The following ZNF200 variants were observed in gnomAD, a reference collection of about 807,000 sequenced individuals.
The protein encoded by ZNF200 is zinc finger protein 200.
In ZNF200, 35 loss-of-function variants were observed where a neutral mutation model predicts 33.6. That is an observed-to-expected ratio of 1.04 (90% CI 0.80 to 1.38). The LOEUF is 1.38. ZNF200 is among the 40% of genes most tolerant of loss of function. The pLI, the probability that ZNF200 is intolerant of heterozygous loss-of-function variation, is 0.00. For synonymous variants in ZNF200, 209 were observed against 167.7 expected (o/e 1.25, Z -1.90); for missense variants, 592 against 470.6 (o/e 1.26, Z -2.39).
chr16:3,228,464 G>C (rs1390952208), intron 4 of ZNF200, among the ~76,000 whole-genome samples: 1 of 150,350 alleles, frequency 6.7e-6, no homozygotes, highest in Non-Finnish European at 1.5e-5. Context: ...TTATATATAA[G>C]AAATATTAAT....
chr16:3,232,727 G>A (rs1958669893), intron 3 of ZNF200, 106 bp downstream of exon 3: 11 of 1,442,322 alleles, frequency 7.6e-6, no homozygotes, highest in Middle Eastern at 1.8e-4. Context: ...AAAAGCAGAA[G>A]AAAAACACCC....
Position 3,223,693 on chromosome 16 carries a change from G to A in ZNF200, c.*199C>T. 2 of 750,302 alleles carry A rather than the reference G, an allele frequency of 2.7e-6. No homozygotes were observed. Among genetic ancestry groups the A allele is most frequent in the Non-Finnish European group, 4.1e-6 (2 of 485,936 alleles). The allele number at this position is 750,302 out of a possible 1,614,324, so 46.5% of individuals were successfully genotyped here. A position where few individuals can be genotyped will look rare whatever the true frequency, so the allele number is the denominator to read the frequency against. ...TAGTCCAAAAAGCCTAGATGCTGAG[G>A]TATAGCCCTTGAAATGTTTTCTTCC... On this transcript the variant is annotated 3_prime_UTR_variant, in exon 5 of 5. Transcript: ENST00000414144.
In ZNF200 at chr16:3,224,297, A is replaced by C. The variant is rs139877194; in HGVS notation, c.783T>G (p.Phe261Leu). The C allele has an allele frequency of 6.2e-7, 1 of 1,614,174 alleles. No homozygotes were observed. The highest frequency in any genetic ancestry group is 8.5e-7 in the Non-Finnish European group (1 of 1,180,026). Residue 261 changes from phenylalanine (F) to leucine (L), a missense_variant, in exon 5 of 5, where the codon TTT (phenylalanine) becomes TTG (leucine). Phe to Leu is a conservative substitution (Grantham distance 22). Transcript: ENST00000414144. ...GGGAAATGAGGTAAGAACTTTCATT[A>C]AACTGTTTCCCACACAGTGGACAAG... ...WYTCPLCGKQFNESSYLISHQ... is the reference protein window; with the variant it reads ...WYTCPLCGKQLNESSYLISHQ...
chr16:3,224,474 C>A lies in ZNF200; in HGVS notation c.606G>T (p.Lys202Asn). 6.2e-7 allele frequency: 1 copy of A among 1,614,150 alleles called. No individual in the cohort carries two copies. ...VSQQPPDNQE[K>N]ERLNTSIPQK... Reference sequence around the variant, plus strand: ...GTGGAATGGATGTATTTAGTCGTTCCTTTTCCTGGTTATCGGGAGGCTGCT... The same window carrying A: ...GTGGAATGGATGTATTTAGTCGTTCATTTTCCTGGTTATCGGGAGGCTGCT... The change falls in exon 5 of 5, where the codon AAG (lysine) becomes AAT (asparagine). Residue 202 changes from lysine to asparagine, a missense_variant. Physicochemically the swap from Lys to Asn is moderately conservative, Grantham distance 94. Coordinates refer to ENST00000414144, the MANE Select transcript of ZNF200 (RefSeq NM_198088.3).
At chr16:3,230,938 T>G (rs1016135406) in intron 4 of ZNF200, among the ~76,000 whole-genome samples, 1 of 152,248 alleles carries the variant, frequency 6.6e-6, no homozygotes, top group African/African-American at 2.4e-5. Flanking sequence ...TGCTTATCGT[T>G]TGATGAATGA....
chr16:3,224,401 G>T lies in ZNF200; in HGVS notation c.679C>A (p.Pro227Thr), dbSNP rs1302430078. 1 of 1,614,178 alleles carries T rather than the reference G, an allele frequency of 6.2e-7. No individual in the cohort carries two copies. Among genetic ancestry groups the T allele is most frequent in the Non-Finnish European group, 8.5e-7 (1 of 1,180,036 alleles). Residue 227 changes from proline to threonine, a missense_variant, in exon 5 of 5, where the codon CCT becomes ACT. Pro to Thr is a conservative substitution (Grantham distance 38, BLOSUM62 -1). Coordinates refer to ENST00000414144, the MANE Select transcript of ZNF200 (RefSeq NM_198088.3). ...NLLVTIENDT[P>T]LEELSKYVDI... ...ACATATTTTGAGAGTTCCTCTAGAG[G>T]AGTATCATTCTCAATGGTAACTAAC... is the stretch of plus-strand genomic sequence containing the variant.
In ZNF200 at chr16:3,232,829, C is replaced by G; in HGVS notation, c.339+4G>C. The G allele has an allele frequency of 6.2e-7, 1 of 1,613,660 alleles. No individual in the cohort carries two copies. Among genetic ancestry groups the G allele is most frequent in the Non-Finnish European group, 8.5e-7 (1 of 1,179,718 alleles). ...CAGGCAGTAAATGGGAAAACCAAAC[C>G]CACCTCAGGGTTAGCTTTCAAATAC... On this transcript the variant is annotated splice_donor_region_variant and intron_variant, in intron 3 of 4. Coordinates refer to ENST00000414144, the MANE Select transcript of ZNF200 (RefSeq NM_198088.3).
chr16:3,233,427 T>G, intron 2 of ZNF200, 79 bp downstream of exon 2: 1 of 1,471,836 alleles, frequency 6.8e-7, no homozygotes, highest in Non-Finnish European at 9.0e-7. Flanking sequence ...TAACTTGAAT[T>G]TATAACTAAC....
rs1391079622 is a variant in ZNF200, at chr16:3,223,987, C to T, written c.1093G>A (p.Gly365Ser). ...AATCTTCTCCCACATTTTTTGCAAC[C>T]ATATGGTCTCTCAGCCTCATGACTC... ...LQSHEAERPYGCKKCGRRFGR... is the reference protein window; with the variant it reads ...LQSHEAERPYSCKKCGRRFGR... Residue 365 changes from glycine to serine, a missense_variant, in exon 5 of 5, where the codon GGT becomes AGT. Gly to Ser is a moderately conservative substitution (Grantham distance 56). Transcript: ENST00000414144. The T allele has an allele frequency of 2.5e-6, 4 of 1,613,978 alleles. No homozygotes were observed. The highest frequency in any genetic ancestry group is 3.4e-6 in the Non-Finnish European group (4 of 1,180,020).
At chr16:3,230,644 C>A (rs1958610498) in intron 4 of ZNF200, among the ~76,000 whole-genome samples, 1 of 152,198 alleles carries the variant, frequency 6.6e-6, no homozygotes, top group Non-Finnish European at 1.5e-5. Flanking sequence ...TTGATTCCTG[C>A]CACCACAATG....
chr16:3,232,899 C>T lies in ZNF200; in HGVS notation c.273G>A (p.Lys91=), dbSNP rs375713290. 4 of 1,613,814 alleles carry T rather than the reference C, an allele frequency of 2.5e-6. No homozygotes were observed. Among genetic ancestry groups the T allele is most frequent in the South Asian group, 2.2e-5 (2 of 91,078 alleles). The stretch of plus-strand genomic sequence containing the variant: ...CCTTTTGGACTCCTTTGGGCAGAAG[C>T]TTCACCAAGGGACGAGGATGCACTG... ...QNRVHPRPLV[K]LLPKGVQKEQ... The change falls in exon 3 of 5, where the codon AAG becomes AAA. Residue 91 remains lysine, a synonymous_variant. Transcript: ENST00000414144.
Position 3,224,607 on chromosome 16 carries a change from T to C in ZNF200, c.473A>G (p.Asn158Ser), listed in dbSNP as rs1472534683. The C allele has an allele frequency of 2.5e-6, 4 of 1,587,972 alleles. No homozygotes were observed. In the East Asian group the frequency reaches 9.0e-5, roughly 36 times the overall value. Residue 158 changes from asparagine to serine, a missense_variant, in exon 5 of 5, where the codon AAT becomes AGT. Asn to Ser is a conservative substitution (Grantham distance 46). Transcript: ENST00000414144. ...SVGEMMLLAV[N>S]GSNPEGEDPE... ...ATCTTCACCTTCAGGATTACTGCCA[T>C]TGACTGCTGAAACAAAGAGAGAATT...
At chr16:3,230,547 A>C (rs1262626484) in intron 4 of ZNF200, among the ~76,000 whole-genome samples, 1 of 152,204 alleles carries the variant, frequency 6.6e-6, no homozygotes, top group Non-Finnish European at 1.5e-5. Flanking sequence ...AATCTGTTTA[A>C]GTGTTCTACG....
At chr16:3,232,395 AAC>A in intron 4 of ZNF200, 24 bp downstream of exon 4, 3 of 1,609,890 alleles carry the variant, frequency 1.9e-6, no homozygotes, top group Non-Finnish European at 2.5e-6. Context: ...AAACAACCTG[AAC>A]ACACAAAGGC....
chr16:3,232,626 A>G, intron 3 of ZNF200, 79 bp from the exon 4 acceptor site: 2 of 1,578,588 alleles, frequency 1.3e-6, no homozygotes, highest in Non-Finnish European at 1.7e-6. Context: ...GCTGACACAC[A>G]AAGATCAAGG....
At chr16:3,233,207 A>G (rs1958691896) in intron 2 of ZNF200, among the ~76,000 whole-genome samples, 1 of 152,250 alleles carries the variant, frequency 6.6e-6, no homozygotes, top group Non-Finnish European at 1.5e-5. Flanking sequence ...GCCCAGAAAA[A>G]GCACAAAATT....
chr16:3,232,347 C>T, intron 4 of ZNF200, 74 bp downstream of exon 4: 2 of 1,542,116 alleles, frequency 1.3e-6, no homozygotes, highest in East Asian at 2.3e-5. Flanking sequence ...AATCGTCCCC[C>T]AAAGCTAAAG....
chr16:3,229,012 A>C (rs1958556937), intron 4 of ZNF200, among the ~76,000 whole-genome samples: 2 of 152,228 alleles, frequency 1.3e-5, no homozygotes, highest in African/African-American at 4.8e-5. Context: ...TTTTGTCTGT[A>C]CATATTCAGT....
At chr16:3,227,957 GA>G (rs201585241) in intron 4 of ZNF200, among the ~76,000 whole-genome samples, 1 of 150,754 alleles carries the variant, frequency 6.6e-6, no homozygotes, top group African/African-American at 2.4e-5. Flanking sequence ...TGGTATTGTT[GA>G]AAAAAAACAC....
Sources: gnomAD v4.1 joint callset for allele counts (sites outside exome capture counted in the v4.1 genomes callset) on GRCh38, gnomAD v4.1.1 for gene constraint, MANE v1.5 for transcripts, NCBI Gene and HGNC (gene_info 2026-07-23, HGNC 2026-07-21) for gene names.